The following ROBO1 variants were observed in gnomAD, a reference collection of about 807,000 sequenced individuals.
The protein encoded by ROBO1 is roundabout homolog 1.
A neutral mutation model predicts 195.9 loss-of-function variants in ROBO1; 149 were observed. That is an observed-to-expected ratio of 0.76 (90% CI 0.67 to 0.87). The LOEUF is 0.87. ROBO1 is among the 40% of genes least tolerant of loss of function. ROBO1 has a pLI of 0.00. For synonymous variants in ROBO1, 816 were observed against 733.2 expected (o/e 1.11, Z -1.82); for missense variants, 1,933 against 2,068.3 (o/e 0.93, Z 1.27).
At chr3:78,919,283 C>T (rs973047274) in intron 4 of ROBO1, among the ~76,000 whole-genome samples, 2 of 152,180 alleles carry the variant, frequency 1.3e-5, no homozygotes, top group South Asian at 2.1e-4. Flanking sequence ...GACTGAAATA[C>T]TAGTACTTTC....
chr3:79,468,549 G>A (rs1048784732), intron 2 of ROBO1, among the ~76,000 whole-genome samples: 2 of 152,106 alleles, frequency 1.3e-5, no homozygotes, highest in Non-Finnish European at 1.5e-5. Flanking sequence ...TATTTAAGTG[G>A]CAAGCTTAAT....
chr3:79,084,139 C>G (rs760528689), intron 3 of ROBO1, among the ~76,000 whole-genome samples: 22 of 152,146 alleles, frequency 1.4e-4, no homozygotes, highest in Non-Finnish European at 2.8e-4. Context: ...CTGACTTTAT[C>G]AATTTAGTTT....
At chr3:78,946,068 G>A (rs2040423896) in intron 3 of ROBO1, among the ~76,000 whole-genome samples, 1 of 152,154 alleles carries the variant, frequency 6.6e-6, no homozygotes, top group African/African-American at 2.4e-5. Flanking sequence ...AAAGTGATGG[G>A]GAGAATGGAA....
chr3:79,236,209 C>T (rs1177920066), intron 2 of ROBO1, among the ~76,000 whole-genome samples: 1 of 152,126 alleles, frequency 6.6e-6, no homozygotes, highest in East Asian at 1.9e-4. Flanking sequence ...ATCACGATTC[C>T]TAGTATTTAC....
intron 2 of ROBO1, among the ~76,000 whole-genome samples, chr3:79,268,975 G>T (rs763245827): frequency 2.0e-5 from 3 of 151,560 alleles, no homozygotes; most frequent in Non-Finnish European, 3.0e-5. Flanking sequence ...ATTATAGAAT[G>T]AATCACAACA....
intron 21 of ROBO1, among the ~76,000 whole-genome samples, chr3:78,644,130 G>A (rs574918767): frequency 6.6e-6 from 1 of 151,954 alleles, no homozygotes; most frequent in Non-Finnish European, 1.5e-5. Context: ...CATAGACACA[G>A]ACACACATAC....
intron 3 of ROBO1, among the ~76,000 whole-genome samples, chr3:79,066,278 G>A (rs2079001240): frequency 6.6e-6 from 1 of 151,814 alleles, no homozygotes; most frequent in Admixed American, 6.6e-5. Flanking sequence ...TGGATGGAGA[G>A]GTTTGTGACT....
chr3:78,960,758 C>T (rs540298419), intron 3 of ROBO1, among the ~76,000 whole-genome samples: 10 of 143,924 alleles, frequency 6.9e-5, no homozygotes, highest in Non-Finnish European at 9.0e-5. Context: ...GCCTGGGCAA[C>T]GAAGCGAGAC....
chr3:79,594,845 C>A (rs777087422), intron 1 of ROBO1, among the ~76,000 whole-genome samples: 18 of 151,864 alleles, frequency 1.2e-4, no homozygotes, highest in Admixed American at 2.0e-4. Context: ...ATGACGGAAC[C>A]AATTGTGTAT....
chr3:78,787,923 T>C (rs2083887172), intron 4 of ROBO1, among the ~76,000 whole-genome samples: 2 of 122,634 alleles, frequency 1.6e-5, no homozygotes, highest in Non-Finnish European at 1.6e-5. Flanking sequence ...TTAGACCCCT[T>C]CTCTTTTTTT....
chr3:79,641,033 G>T (rs1401750936), intron 1 of ROBO1, among the ~76,000 whole-genome samples: 9 of 152,058 alleles, frequency 5.9e-5, no homozygotes, highest in African/African-American at 2.2e-4. Flanking sequence ...ATCTTGTCTT[G>T]GTGGATTGGA....
At chr3:79,308,729 A>G (rs1187503629) in intron 2 of ROBO1, among the ~76,000 whole-genome samples, 1 of 152,180 alleles carries the variant, frequency 6.6e-6, no homozygotes, top group Non-Finnish European at 1.5e-5. Flanking sequence ...CCTCTGAATC[A>G]ATTACTAATA....
At chr3:78,729,346 T>G (rs1278263563) in intron 5 of ROBO1, among the ~76,000 whole-genome samples, 1 of 152,246 alleles carries the variant, frequency 6.6e-6, no homozygotes, top group African/African-American at 2.4e-5. Flanking sequence ...TTGCTCTCTA[T>G]CCAATGTATA....
At chr3:78,991,793 C>A (rs1377625043) in intron 3 of ROBO1, among the ~76,000 whole-genome samples, 1 of 151,970 alleles carries the variant, frequency 6.6e-6, no homozygotes, top group East Asian at 1.9e-4. Context: ...CGAGAAAAAG[C>A]AGCAGGATGA....
At position 79,581,745 on chromosome 3, in the gene ROBO1, T is replaced by G. The variant is rs1013066707; in HGVS notation, c.88+8079A>C. ...ATTTATACATATAAACACACACAGATATGTATATATTTAAGTAAAAGCTCA... is the reference window on the plus strand; with the variant it reads ...ATTTATACATATAAACACACACAGAGATGTATATATTTAAGTAAAAGCTCA... On this transcript the variant is annotated intron_variant, in intron 2 of 30. Coordinates refer to ENST00000464233, the MANE Select transcript of ROBO1 (RefSeq NM_002941.4). Among the ~76,000 whole-genome samples, 6 of 152,168 alleles carry G rather than the reference T, an allele frequency of 3.9e-5. No homozygotes were observed. In the East Asian group the frequency reaches 1.2e-3, roughly 29 times the overall value.
intron 1 of ROBO1, among the ~76,000 whole-genome samples, chr3:79,692,594 C>T (rs771992096): frequency 4.6e-5 from 7 of 151,668 alleles, no homozygotes; most frequent in Middle Eastern, 3.4e-3. Context: ...CAGGATCTCA[C>T]GGATAGTGGG....
intron 2 of ROBO1, among the ~76,000 whole-genome samples, chr3:79,175,573 C>T (rs1430348442): frequency 3.3e-5 from 5 of 152,188 alleles, no homozygotes; most frequent in Non-Finnish European, 7.4e-5. Context: ...CAAACATAAG[C>T]TAAATAGCGC....
At chr3:79,406,055 A>G (rs1281837781) in intron 2 of ROBO1, among the ~76,000 whole-genome samples, 1 of 152,144 alleles carries the variant, frequency 6.6e-6, no homozygotes. Context: ...ATTTCAGGGC[A>G]TCTCTGAAGA....
chr3:78,633,587 A>G (rs557315277), intron 24 of ROBO1, among the ~76,000 whole-genome samples: 2 of 152,338 alleles, frequency 1.3e-5, no homozygotes, highest in Non-Finnish European at 2.9e-5. Flanking sequence ...AAATGGCAAC[A>G]TATTTAGCAG....
Sources: allele counts gnomAD v4.1 joint callset (sites outside exome capture counted in the v4.1 genomes callset), GRCh38; gene constraint gnomAD v4.1.1; transcripts MANE v1.5; gene names NCBI Gene and HGNC (gene_info 2026-07-23, HGNC 2026-07-21).